The following DCAF8L2 variants were observed in gnomAD, a reference collection of about 807,000 sequenced individuals.
DCAF8L2 encodes DDB1- and CUL4-associated factor 8-like protein 2.
For missense variants in DCAF8L2, 430 were observed against 490.7 expected, an observed-to-expected ratio of 0.88 and a Z score of 1.17; for synonymous variants, 200 against 190.9, an observed-to-expected ratio of 1.05 and a Z score of -0.39.
chrX:27,740,139 T>C (rs1052121950), intron 4 of DCAF8L2, among the ~76,000 whole-genome samples: 5 of 111,990 alleles, frequency 4.5e-5, no homozygotes, highest in African/African-American at 6.5e-5. Context: ...TAGCCTGCTC[T>C]CACCTTTGTA....
At chrX:27,700,841 T>C (rs1330867536) in intron 3 of DCAF8L2, among the ~76,000 whole-genome samples, 1 of 111,279 alleles carries the variant, frequency 9.0e-6, no homozygotes, top group Non-Finnish European at 1.9e-5. Context: ...ACTCTAATAA[T>C]AAAATGTCAA....
chrX:27,703,756 A>G (rs1931217626), intron 3 of DCAF8L2, among the ~76,000 whole-genome samples: 1 of 111,128 alleles, frequency 9.0e-6, no homozygotes, highest in African/African-American at 3.3e-5. Flanking sequence ...TTTAACAGTT[A>G]AAACAATAAC....
At chrX:27,726,897 G>A (rs760256535) in intron 4 of DCAF8L2, among the ~76,000 whole-genome samples, 8 of 111,505 alleles carry the variant, frequency 7.2e-5, no homozygotes, top group Non-Finnish European at 1.5e-4. Context: ...TTTTTCATGC[G>A]CATATGTGTG....
At chrX:27,514,835 C>A in the DCAF8L2 span, among the ~76,000 whole-genome samples, 1 of 110,154 alleles carries the variant, frequency 9.1e-6, no homozygotes, top group Middle Eastern at 4.7e-3. Context: ...TCTAAAAAGG[C>A]TGATTTTATA....
intron 2 of DCAF8L2, chrX:27,677,012 T>C (rs1930161924): frequency 8.9e-6 from 1 of 112,025 alleles, no homozygotes; most frequent in Non-Finnish European, 1.9e-5. Flanking sequence ...TTTTCCTTGT[T>C]ATGAGAGGAG....
At chrX:27,502,367 T>A in the DCAF8L2 span, among the ~76,000 whole-genome samples, 1 of 70,598 alleles carries the variant, frequency 1.4e-5, no homozygotes, top group African/African-American at 5.1e-5. Context: ...TATATATATA[T>A]ATATATATAT....
intron 2 of DCAF8L2, among the ~76,000 whole-genome samples, chrX:27,643,842 G>T (rs1269966785): frequency 9.0e-6 from 1 of 111,533 alleles, no homozygotes; most frequent in Non-Finnish European, 1.9e-5. Context: ...TGGACTATGA[G>T]TGAAATAACC....
the DCAF8L2 span, among the ~76,000 whole-genome samples, chrX:27,542,573 C>T: frequency 1.8e-4 from 14 of 75,770 alleles, no homozygotes; most frequent in African/African-American, 2.7e-4. Context: ...GATGGAGTCT[C>T]GCTCTGTCGC....
At chrX:27,579,815 A>G in the DCAF8L2 span, among the ~76,000 whole-genome samples, 1 of 110,347 alleles carries the variant, frequency 9.1e-6, no homozygotes, top group East Asian at 2.8e-4. Context: ...TGTTTTCTAC[A>G]GAGCCAGATG....
chrX:27,689,985 T>C (rs904411140), intron 3 of DCAF8L2, among the ~76,000 whole-genome samples: 25 of 111,506 alleles, frequency 2.2e-4, no homozygotes, highest in Admixed American at 3.8e-4. Context: ...ATGTTAAAAG[T>C]AAAGAAAACA....
the DCAF8L2 span, among the ~76,000 whole-genome samples, chrX:27,580,084 T>C: frequency 9.0e-6 from 1 of 110,836 alleles, no homozygotes; most frequent in Non-Finnish European, 1.9e-5. Flanking sequence ...AAAAGCTTTT[T>C]TGGGTCTTCA....
the DCAF8L2 span, among the ~76,000 whole-genome samples, chrX:27,476,563 A>C: frequency 3.6e-5 from 4 of 111,078 alleles, no homozygotes; most frequent in Non-Finnish European, 3.8e-5. Context: ...ATATCATAAT[A>C]ATAGAGGTGT....
At chrX:27,587,988 AT>A (rs1569152518), upstream of DCAF8L2, among the ~76,000 whole-genome samples, 926 of 13,184 alleles carry the variant, frequency 0.07, 22 homozygotes, top group African/African-American at 0.13. Flanking sequence ...AAAAAAAAAT[AT>A]ATATATATAT....
chrX:27,568,312 C>T, the DCAF8L2 span, among the ~76,000 whole-genome samples: 1 of 111,499 alleles, frequency 9.0e-6, no homozygotes, highest in South Asian at 3.7e-4. Flanking sequence ...AAAACTTTTA[C>T]CTTCAAATCA....
At chrX:27,565,076 T>C in the DCAF8L2 span, among the ~76,000 whole-genome samples, 1 of 110,272 alleles carries the variant, frequency 9.1e-6, no homozygotes, top group African/African-American at 3.3e-5. Flanking sequence ...TATATATTCA[T>C]TCCATTAGTT....
chrX:27,615,506 A>G (rs1256440693), intron 1 of DCAF8L2, among the ~76,000 whole-genome samples: 1 of 95,041 alleles, frequency 1.1e-5, no homozygotes, highest in East Asian at 3.0e-4. Context: ...CGCACAAAAA[A>G]TAATAGTAGA....
chrX:27,527,499 C>T, the DCAF8L2 span, among the ~76,000 whole-genome samples: 101 of 111,100 alleles, frequency 9.1e-4, no homozygotes, highest in Non-Finnish European at 1.5e-3. Context: ...CACCCTGCTT[C>T]GGCTCACGCT....
the DCAF8L2 span, among the ~76,000 whole-genome samples, chrX:27,525,719 G>T: frequency 9.0e-6 from 1 of 111,516 alleles, no homozygotes; most frequent in Non-Finnish European, 1.9e-5. Context: ...TACAGGGCAG[G>T]CCTGGTGGTG....
chrX:27,480,656 A>G, the DCAF8L2 span, among the ~76,000 whole-genome samples: 1 of 111,712 alleles, frequency 9.0e-6, no homozygotes, highest in Non-Finnish European at 1.9e-5. Flanking sequence ...TTACTTCCCT[A>G]GACTTTATTC....
Sources: gnomAD v4.1 joint callset for allele counts (sites outside exome capture counted in the v4.1 genomes callset) on GRCh38, gnomAD v4.1.1 for gene constraint, MANE v1.5 for transcripts, NCBI Gene and HGNC (gene_info 2026-07-23, HGNC 2026-07-21) for gene names.